MTHFD2L: variants seen among roughly 807,000 people sequenced by gnomAD.
The protein encoded by MTHFD2L is methylenetetrahydrofolate dehydrogenase (NADP+ dependent) 2 like.
A neutral mutation model predicts 34.9 loss-of-function variants in MTHFD2L; 29 were observed. The observed-to-expected ratio is 0.83, with a 90% CI of 0.62 to 1.13. The LOEUF (loss-of-function observed/expected upper bound fraction) is 1.13, where lower values mean the gene tolerates loss of function less well. MTHFD2L is among the 50% of genes most tolerant of loss of function. MTHFD2L has a pLI of 0.00. For synonymous variants in MTHFD2L, 167 were observed against 155.7 expected (o/e 1.07, Z -0.54); for missense variants, 481 against 446.5 (o/e 1.08, Z -0.70).
chr4:74,228,967 A>C (rs1413934729), intron 6 of MTHFD2L, among the ~76,000 whole-genome samples: 1 of 152,210 alleles, frequency 6.6e-6, no homozygotes, highest in African/African-American at 2.4e-5. Flanking sequence ...ACTAGTTAGA[A>C]GACATTTTAA....
intron 6 of MTHFD2L, among the ~76,000 whole-genome samples, chr4:74,237,867 TA>T (rs973946769): frequency 6.6e-6 from 1 of 152,168 alleles, no homozygotes; most frequent in African/African-American, 2.4e-5. Context: ...ACTGAGAAAT[TA>T]CTGTCTTCAA....
chr4:74,224,740 G>A (rs1256121917), intron 5 of MTHFD2L, among the ~76,000 whole-genome samples: 1 of 152,056 alleles, frequency 6.6e-6, no homozygotes, highest in African/African-American at 2.4e-5. Flanking sequence ...TTCAAAGTTG[G>A]TTAGTTTTTT....
At chr4:74,199,759 A>T (rs1199249653) in intron 3 of MTHFD2L, 35 bp from the exon 4 acceptor site, 1 of 1,556,238 alleles carries the variant, frequency 6.4e-7, no homozygotes, top group Admixed American at 1.8e-5. Context: ...ATAAATAACA[A>T]TTTTAAAATT....
chr4:74,289,473 T>C (rs1013395094), intron 7 of MTHFD2L, among the ~76,000 whole-genome samples: 3 of 152,170 alleles, frequency 2.0e-5, no homozygotes, highest in African/African-American at 7.2e-5. Flanking sequence ...AATCCCATCT[T>C]ATAGACCAAG....
At chr4:74,229,486 T>C (rs573890006) in intron 6 of MTHFD2L, among the ~76,000 whole-genome samples, 2 of 152,016 alleles carry the variant, frequency 1.3e-5, no homozygotes, top group Admixed American at 6.6e-5. Context: ...GAACTCAGGG[T>C]AGAAGGAGGA....
intron 6 of MTHFD2L, among the ~76,000 whole-genome samples, chr4:74,229,995 A>G (rs899714611): frequency 6.6e-6 from 1 of 152,182 alleles, no homozygotes; most frequent in African/African-American, 2.4e-5. Flanking sequence ...AATATCTAAC[A>G]CATAGTGGTT....
intron 3 of MTHFD2L, among the ~76,000 whole-genome samples, chr4:74,191,786 T>C (rs946024849): frequency 7.2e-5 from 11 of 152,054 alleles, no homozygotes; most frequent in Non-Finnish European, 1.3e-4. Flanking sequence ...CTCAAACTCC[T>C]GACCTCATGA....
At chr4:74,196,445 A>G (rs1733478943) in intron 3 of MTHFD2L, among the ~76,000 whole-genome samples, 2 of 152,184 alleles carry the variant, frequency 1.3e-5, no homozygotes, top group Non-Finnish European at 2.9e-5. Context: ...AGAAGAGACT[A>G]TAGGAAAAAT....
At chr4:74,232,291 T>C (rs1467218151) in intron 6 of MTHFD2L, among the ~76,000 whole-genome samples, 2 of 152,202 alleles carry the variant, frequency 1.3e-5, no homozygotes, top group Non-Finnish European at 2.9e-5. Flanking sequence ...TAGATGTGTA[T>C]TATGTTGTTC....
chr4:74,144,215 G>A (rs1261717174), intron 1 of MTHFD2L, among the ~76,000 whole-genome samples: 1 of 152,184 alleles, frequency 6.6e-6, no homozygotes, highest in African/African-American at 2.4e-5. Flanking sequence ...CATTTTGGGA[G>A]GCTGAGGCAG....
chr4:74,286,420 A>G (rs986348316), intron 7 of MTHFD2L, among the ~76,000 whole-genome samples: 5 of 152,188 alleles, frequency 3.3e-5, no homozygotes, highest in Non-Finnish European at 5.9e-5. Context: ...GTAGCTTAGA[A>G]AGAAACTTCA....
chr4:74,271,422 T>C (rs1486118653), intron 6 of MTHFD2L, among the ~76,000 whole-genome samples: 7 of 152,246 alleles, frequency 4.6e-5, no homozygotes, highest in African/African-American at 1.7e-4. Context: ...ATTTATTAAA[T>C]AGGGAATCCT....
chr4:74,198,227 T>C (rs1733815253), intron 3 of MTHFD2L, among the ~76,000 whole-genome samples: 1 of 152,194 alleles, frequency 6.6e-6, no homozygotes, highest in Admixed American at 6.5e-5. Context: ...TCTCAAGTAT[T>C]TCAGCTGGTG....
chr4:74,193,248 G>A (rs1279138617), intron 3 of MTHFD2L, among the ~76,000 whole-genome samples: 1 of 152,048 alleles, frequency 6.6e-6, no homozygotes, highest in African/African-American at 2.4e-5. Context: ...TGGCATTTTT[G>A]TGGCATTCAC....
chr4:74,241,209 T>C (rs754479040), intron 6 of MTHFD2L, among the ~76,000 whole-genome samples: 9 of 152,206 alleles, frequency 5.9e-5, no homozygotes, highest in Non-Finnish European at 1.0e-4. Context: ...AAATGATTTC[T>C]TCTATTCTGT....
intron 1 of MTHFD2L, among the ~76,000 whole-genome samples, chr4:74,171,429 G>A (rs1560441319): frequency 6.6e-6 from 1 of 152,150 alleles, no homozygotes; most frequent in Non-Finnish European, 1.5e-5. Context: ...CAGTGTTTTT[G>A]TAACGTAACA....
At position 74,175,617 on chromosome 4, in the gene MTHFD2L, A is replaced by T. The variant is rs190717449; in HGVS notation, c.451+214A>T. 1.8e-4 allele frequency among the ~76,000 whole-genome samples: 28 copies of T among 152,208 alleles called. No homozygotes were observed. The East Asian group carries it at 5.2e-3, about 28-fold the overall frequency. ...TGAAATATAAGCATTGGCAATACAT[A>T]CACTCCTTGCTTTGCACAGTAGTAT... On this transcript the variant is annotated intron_variant, in intron 3 of 7. Transcript: ENST00000325278.
In MTHFD2L at chr4:74,225,384, A is replaced by G. The variant is rs760210588; in HGVS notation, c.795A>G (p.Ile265Met). 3 of 1,612,608 alleles carry G rather than the reference A, an allele frequency of 1.9e-6. No individual in the cohort carries two copies. In the South Asian group the frequency reaches 3.3e-5, roughly 18 times the overall value. Residue 265 changes from isoleucine to methionine, a missense_variant, in exon 6 of 8, where the codon ATA becomes ATG. Ile to Met is a conservative substitution (Grantham distance 10). Coordinates refer to ENST00000325278, the MANE Select transcript of MTHFD2L (RefSeq NM_001144978.3). ...ATACGCAGCTGGCAGATATTATCAT[A>G]GTTGCTGCAGGTAAGTCCTTAGTGA... ...KIHTQLADII[I>M]VAAGIPKLIT...
chr4:74,157,380 T>C (rs1325632079), upstream of MTHFD2L: 2 of 291,510 alleles, frequency 6.9e-6, no homozygotes, highest in Non-Finnish European at 1.3e-5. Context: ...CTGTTTTTTG[T>C]GTGTCTGTCT....
Sources: gnomAD v4.1 joint callset for allele counts (sites outside exome capture counted in the v4.1 genomes callset) on GRCh38, gnomAD v4.1.1 for gene constraint, MANE v1.5 for transcripts, NCBI Gene and HGNC (gene_info 2026-07-23, HGNC 2026-07-21) for gene names.